Variants in RP2 observed in about 807,000 individuals in gnomAD.
The protein encoded by RP2 is protein XRP2.
Under a neutral mutation model 20.3 loss-of-function variants are expected in RP2, and 3 were observed. The observed-to-expected ratio is 0.15, with a 90% CI of 0.07 to 0.38. The LOEUF (loss-of-function observed/expected upper bound fraction) is 0.38, where lower values mean the gene tolerates loss of function less well. RP2 is among the 10% of genes least tolerant of loss of function. The pLI is 1.00. For synonymous variants in RP2, 75 were observed against 94.8 expected (o/e 0.79, Z 1.22); for missense variants, 233 against 268.5 (o/e 0.87, Z 0.92).
At chrX:46,864,571 C>T (rs1436846018) in intron 3 of RP2, among the ~76,000 whole-genome samples, 3 of 109,956 alleles carry the variant, frequency 2.7e-5, no homozygotes, top group Non-Finnish European at 3.8e-5. Context: ...CCACCATACC[C>T]AGCTAATTTT....
intron 3 of RP2, among the ~76,000 whole-genome samples, chrX:46,867,799 T>C (rs1925202729): frequency 8.9e-6 from 1 of 111,806 alleles, no homozygotes. Context: ...TAGTGGTCCC[T>C]AGTTCCATCC....
intron 1 of RP2, among the ~76,000 whole-genome samples, chrX:46,840,489 A>G (rs1556314649): frequency 8.9e-6 from 1 of 112,911 alleles, no homozygotes; most frequent in East Asian, 2.8e-4. Flanking sequence ...AAAAAAGATT[A>G]CAATTCTTAC....
chrX:46,855,052 C>T (rs1476825568), intron 2 of RP2, among the ~76,000 whole-genome samples: 2 of 111,694 alleles, frequency 1.8e-5, no homozygotes, highest in African/African-American at 3.3e-5. Flanking sequence ...AGGCATGAGC[C>T]ACTGCACCCA....
At chrX:46,852,065 G>A (rs12010498) in intron 1 of RP2, among the ~76,000 whole-genome samples, 2,831 of 110,948 alleles carry the variant, frequency 0.026, 81 homozygotes, top group African/African-American at 0.085. Context: ...AAAATTAGCC[G>A]GGTGTGGTGG....
intron 1 of RP2, among the ~76,000 whole-genome samples, chrX:46,842,988 G>GGTAACTCT (rs1924650209): frequency 9.2e-6 from 1 of 108,568 alleles, no homozygotes; most frequent in Admixed American, 9.9e-5. Context: ...TGGGTCATAT[G>GGTAACTCT]GTAACTCTAT....
chrX:46,867,592 A>C (rs1556323140), intron 3 of RP2, among the ~76,000 whole-genome samples: 1 of 111,976 alleles, frequency 8.9e-6, no homozygotes, highest in East Asian at 2.8e-4. Flanking sequence ...TACCATTTTT[A>C]AGTATACAGT....
chrX:46,861,898 G>C (rs1253930852), intron 3 of RP2, among the ~76,000 whole-genome samples: 1 of 111,673 alleles, frequency 9.0e-6, no homozygotes, highest in Non-Finnish European at 1.9e-5. Flanking sequence ...CATCCATATT[G>C]TTAAACAAAA....
chrX:46,880,609 T>A lies in RP2; in HGVS notation c.*840T>A. The A allele has an allele frequency of 8.9e-6, 1 of 111,954 alleles. No homozygotes were observed. Among genetic ancestry groups the A allele is most frequent in the East Asian group, 2.8e-4 (1 of 3,582 alleles). The allele number at this position is 111,954 out of a possible 1,213,427, so 9.2% of individuals were successfully genotyped here. On this transcript the variant is annotated 3_prime_UTR_variant, in exon 5 of 5. Coordinates refer to ENST00000218340, the MANE Select transcript of RP2 (RefSeq NM_006915.3). ...TATCAAGAGAATTGGAACAAAACCT[T>A]GTGACTTTTAGGTAAGAAATAGGCA...
At chrX:46,840,041 G>A (rs1924589632) in intron 1 of RP2, among the ~76,000 whole-genome samples, 1 of 112,047 alleles carries the variant, frequency 8.9e-6, no homozygotes, top group African/African-American at 3.2e-5. Context: ...GCAGTGGCGC[G>A]ATCTCGGCTC....
chrX:46,869,690 A>G (rs782790741), intron 3 of RP2, among the ~76,000 whole-genome samples: 34 of 93,775 alleles, frequency 3.6e-4, no homozygotes, highest in Admixed American at 8.1e-4. Flanking sequence ...GCTCACCGCA[A>G]CCCCCGCCTC....
At chrX:46,853,430 T>C (rs1556318508) in intron 1 of RP2, 46 bp from the exon 2 acceptor site, 3 of 1,136,949 alleles carry the variant, frequency 2.6e-6, no homozygotes, top group Non-Finnish European at 3.6e-6. Flanking sequence ...TTGATACTTG[T>C]TGAATAATGT....
At chrX:46,849,731 G>A (rs782749163) in intron 1 of RP2, among the ~76,000 whole-genome samples, 18 of 112,060 alleles carry the variant, frequency 1.6e-4, no homozygotes, top group East Asian at 8.3e-4. Flanking sequence ...AAAGTGGAGC[G>A]TCCAGAGAAA....
chrX:46,837,357 G>A (rs1475534332), intron 1 of RP2, among the ~76,000 whole-genome samples, 155 bp downstream of exon 1: 1 of 111,646 alleles, frequency 9.0e-6, no homozygotes, highest in African/African-American at 3.3e-5. Flanking sequence ...TTTGGGGAGC[G>A]GGGACGTGAA....
intron 4 of RP2, among the ~76,000 whole-genome samples, chrX:46,878,188 A>C (rs909714486): frequency 5.8e-4 from 63 of 109,258 alleles, no homozygotes; most frequent in African/African-American, 1.5e-3. Context: ...TCCCGGCTAA[A>C]ACGGTGAAAC....
intron 3 of RP2, among the ~76,000 whole-genome samples, chrX:46,862,547 C>G (rs1245657572): frequency 9.1e-6 from 1 of 110,199 alleles, no homozygotes; most frequent in Non-Finnish European, 1.9e-5. Flanking sequence ...GTAGTCCCAG[C>G]TACTCAGGAG....
At position 46,837,158 on chromosome X, in the gene RP2, G is replaced by T. The variant is rs1924523272; in HGVS notation, c.58G>T (p.Glu20Ter). The T allele has an allele frequency of 8.5e-7, 1 of 1,171,411 alleles. No homozygotes were observed. Among genetic ancestry groups the T allele is most frequent in the Non-Finnish European group, 1.1e-6 (1 of 875,069 alleles). ...TGACAAGGAGTCGCGGCCCGAGAAC[G>T]AGGAGGAGCGGCCAAAGCAGTACAG... ...KADKESRPEN[E>*]EERPKQYSWD... is the part of the protein sequence containing the mutation. Residue 20 changes from glutamate to a stop codon, truncating the protein, a stop_gained, in exon 1 of 5, where the codon GAG becomes TAG. Coordinates refer to ENST00000218340, the MANE Select transcript of RP2 (RefSeq NM_006915.3). LOFTEE classifies it high-confidence loss of function.
chrX:46,842,037 C>G (rs1370894315), intron 1 of RP2, among the ~76,000 whole-genome samples: 1 of 111,874 alleles, frequency 8.9e-6, no homozygotes, highest in Non-Finnish European at 1.9e-5. Context: ...CTCAGCCTCC[C>G]AAGTAGCTGG....
At chrX:46,840,562 T>C (rs1201871661) in intron 1 of RP2, among the ~76,000 whole-genome samples, 1 of 112,705 alleles carries the variant, frequency 8.9e-6, no homozygotes, top group African/African-American at 3.2e-5. Flanking sequence ...TCAAAAGAAA[T>C]GTTTTTATCC....
intron 1 of RP2, 138 bp downstream of exon 1, chrX:46,837,340 C>G: frequency 5.9e-6 from 4 of 681,989 alleles, no homozygotes; most frequent in Non-Finnish European, 9.2e-6. Flanking sequence ...TCGGGGTGCA[C>G]GACTTTTTTG....
Sources: gnomAD v4.1 joint callset for allele counts (sites outside exome capture counted in the v4.1 genomes callset) on GRCh38, gnomAD v4.1.1 for gene constraint, MANE v1.5 for transcripts, NCBI Gene and HGNC (gene_info 2026-07-23, HGNC 2026-07-21) for gene names.